The following LMNTD1 variants were observed in gnomAD, a reference collection of about 807,000 sequenced individuals.
LMNTD1 encodes lamin tail domain-containing protein 1.
LMNTD1 carries 35 observed loss-of-function variants against 50.9 expected under a neutral mutation model. The ratio of observed to expected loss-of-function variants is 0.69; its 90% confidence interval spans 0.53 to 0.91. The LOEUF is 0.91. Ranked by LOEUF, LMNTD1 falls within the 40% of genes least tolerant of loss-of-function variation. The pLI is 0.00. For synonymous variants in LMNTD1, 153 were observed against 161.9 expected (o/e 0.94, Z 0.42); for missense variants, 470 against 475.5 (o/e 0.99, Z 0.11).
At chr12:25,610,014 C>T (rs575063512) in intron 1 of LMNTD1, among the ~76,000 whole-genome samples, 1 of 152,342 alleles carries the variant, frequency 6.6e-6, no homozygotes, top group East Asian at 1.9e-4. Flanking sequence ...TTCAAGCTTT[C>T]TGGCTACTTT....
chr12:25,503,095 G>A (rs1431040124), intron 9 of LMNTD1: 6 of 152,284 alleles, frequency 3.9e-5, no homozygotes, highest in Admixed American at 6.5e-5. Flanking sequence ...AGTAGTGAAC[G>A]AGGGCAACAA....
intron 9 of LMNTD1, among the ~76,000 whole-genome samples, chr12:25,480,127 C>T (rs888308026): frequency 2.0e-5 from 3 of 152,248 alleles, no homozygotes; most frequent in African/African-American, 7.2e-5. Flanking sequence ...ACGTACAATA[C>T]AAATACCTTC....
At chr12:25,546,632 C>T (rs1230292747) in intron 3 of LMNTD1, 78 bp from the exon 4 acceptor site, 1 of 783,202 alleles carries the variant, frequency 1.3e-6, no homozygotes, top group African/African-American at 1.8e-5. Flanking sequence ...AAGCCATTAT[C>T]TTTATTCTCT....
At position 25,519,725 on chromosome 12, in the gene LMNTD1, ATAG is replaced by A. The variant is rs960208762; in HGVS notation, c.1016+130_1016+132del. The A allele has an allele frequency of 4.9e-5, 31 of 635,920 alleles. No homozygotes were observed. The African/African-American group carries it at 5.3e-4, about 11-fold the overall frequency. 39.4% of individuals were successfully genotyped at this position (635,920 alleles called of 1,614,324 possible). A position where few individuals can be genotyped will look rare whatever the true frequency, so the allele number is the denominator to read the frequency against. Reference sequence around the variant, plus strand: ...GCTTTTCCTATGAGTTCTATTCAAAATAGTAGTTTCCAAAAATCACTATTGATT... The same window carrying A: ...GCTTTTCCTATGAGTTCTATTCAAAATAGTTTCCAAAAATCACTATTGATT... On this transcript the variant is annotated intron_variant, in intron 7 of 9. Transcript: ENST00000458174.
chr12:25,617,772 T>C (rs1946379830), intron 1 of LMNTD1, among the ~76,000 whole-genome samples: 1 of 152,172 alleles, frequency 6.6e-6, no homozygotes, highest in Non-Finnish European at 1.5e-5. Flanking sequence ...GATACACAGG[T>C]AAATAATATT....
intron 1 of LMNTD1, among the ~76,000 whole-genome samples, chr12:25,601,625 A>AT (rs1565513013): frequency 1.3e-5 from 2 of 151,652 alleles, no homozygotes; most frequent in Non-Finnish European, 2.9e-5. Flanking sequence ...TAAAATAAAA[A>AT]TTTTTTTTAA....
At chr12:25,612,498 T>C (rs1450174826) in intron 1 of LMNTD1, among the ~76,000 whole-genome samples, 1 of 152,136 alleles carries the variant, frequency 6.6e-6, no homozygotes, top group Non-Finnish European at 1.5e-5. Context: ...GGTCAAGCAA[T>C]TTTACATCTA....
Position 25,600,310 on chromosome 12 carries a change from C to A in LMNTD1, c.58+48184G>T, listed in dbSNP as rs567909275. 6.6e-5 allele frequency among the ~76,000 whole-genome samples: 10 copies of A among 151,902 alleles called. No individual in the cohort carries two copies. In the East Asian group the frequency reaches 1.9e-3, roughly 29 times the overall value. ...ACAAAACCACAATCAAAATGAATTA[C>A]GGACTTAAATCTATAATCTCAAAAT... On this transcript the variant is annotated intron_variant, in intron 1 of 7. Transcript: ENST00000445693.
intron 4 of LMNTD1, among the ~76,000 whole-genome samples, chr12:25,531,788 C>T (rs1422405714): frequency 6.6e-6 from 1 of 152,100 alleles, no homozygotes; most frequent in African/African-American, 2.4e-5. Flanking sequence ...AAAACAAAAT[C>T]TTGCCTTATT....
At chr12:25,541,301 G>T (rs1007933134) in intron 4 of LMNTD1, among the ~76,000 whole-genome samples, 12 of 132,494 alleles carry the variant, frequency 9.1e-5, no homozygotes, top group South Asian at 5.1e-4. Context: ...AAAGCTGGAG[G>T]CATCACACTA....
At chr12:25,609,107 T>A (rs1392200436) in intron 1 of LMNTD1, among the ~76,000 whole-genome samples, 1 of 152,224 alleles carries the variant, frequency 6.6e-6, no homozygotes, top group Admixed American at 6.5e-5. Flanking sequence ...TTCCACTTGA[T>A]TGAATCGGCT....
intron 1 of LMNTD1, among the ~76,000 whole-genome samples, chr12:25,560,044 T>C (rs1056867635): frequency 1.3e-5 from 2 of 152,238 alleles, no homozygotes; most frequent in African/African-American, 4.8e-5. Context: ...CTCTTTAGTT[T>C]AATTAGATCC....
chr12:25,486,641 T>A (rs1320769303), intron 9 of LMNTD1, among the ~76,000 whole-genome samples: 10 of 149,544 alleles, frequency 6.7e-5, no homozygotes, highest in South Asian at 2.2e-4. Flanking sequence ...GGCTGTGGGT[T>A]TGTCATAGAT....
chr12:25,612,201 C>T (rs1462644415), intron 1 of LMNTD1, among the ~76,000 whole-genome samples: 1 of 151,798 alleles, frequency 6.6e-6, no homozygotes, highest in Non-Finnish European at 1.5e-5. Flanking sequence ...AACTCAAATG[C>T]TTCTTGTTAA....
intron 1 of LMNTD1, among the ~76,000 whole-genome samples, chr12:25,584,752 T>C (rs1260227794): frequency 6.6e-6 from 1 of 152,208 alleles, no homozygotes; most frequent in East Asian, 1.9e-4. Flanking sequence ...AAGTCGATTA[T>C]ATCATGATGG....
chr12:25,578,807 A>T (rs1945146434), intron 1 of LMNTD1, among the ~76,000 whole-genome samples: 1 of 152,228 alleles, frequency 6.6e-6, no homozygotes, highest in Non-Finnish European at 1.5e-5. Flanking sequence ...CCTGTAAAGC[A>T]GTCAAAATCT....
At chr12:25,513,382 C>A (rs1940469009) in intron 8 of LMNTD1, among the ~76,000 whole-genome samples, 1 of 152,208 alleles carries the variant, frequency 6.6e-6, no homozygotes, top group African/African-American at 2.4e-5. Flanking sequence ...CACAGTGGCT[C>A]ATGCCTGTAA....
At chr12:25,545,858 G>A (rs958449464) in intron 4 of LMNTD1, among the ~76,000 whole-genome samples, 3 of 151,552 alleles carry the variant, frequency 2.0e-5, no homozygotes, top group Non-Finnish European at 4.4e-5. Flanking sequence ...AATTCAGTAT[G>A]TTGTTCATGT....
At chr12:25,537,146 G>T (rs1020592712) in intron 4 of LMNTD1, among the ~76,000 whole-genome samples, 1 of 152,304 alleles carries the variant, frequency 6.6e-6, no homozygotes, top group Non-Finnish European at 1.5e-5. Flanking sequence ...AGCGAGGCTG[G>T]GGGAGGGGCG....
Sources: gnomAD v4.1 joint callset for allele counts (sites outside exome capture counted in the v4.1 genomes callset) on GRCh38, gnomAD v4.1.1 for gene constraint, MANE v1.5 for transcripts, NCBI Gene and HGNC (gene_info 2026-07-23, HGNC 2026-07-21) for gene names.